The following NTM variants were observed in gnomAD, a reference collection of about 807,000 sequenced individuals.
The protein encoded by NTM is neurotrimin, also known as IgLON family member 2.
A neutral mutation model predicts 42.1 loss-of-function variants in NTM; 13 were observed. The observed-to-expected ratio is 0.31, with a 90% CI of 0.20 to 0.49. The LOEUF (loss-of-function observed/expected upper bound fraction) is 0.49. Among genes scored for constraint, NTM ranks in the 20% least tolerant of loss-of-function variants. NTM has a pLI of 0.99. For missense variants in NTM, 373 were observed against 452.8 expected (o/e 0.82, Z 1.60); for synonymous variants, 187 against 179.2 (o/e 1.04, Z -0.35).
At chr11:131,680,780 T>TCTGG (rs2072490516) in intron 1 of NTM, among the ~76,000 whole-genome samples, 4 of 140,418 alleles carry the variant, frequency 2.8e-5, no homozygotes, top group Non-Finnish European at 3.2e-5. Flanking sequence ...TATGTCTATG[T>TCTGG]GAGTGCCTGT....
At chr11:132,170,905 G>T (rs574204625) in intron 3 of NTM, among the ~76,000 whole-genome samples, 10 of 152,296 alleles carry the variant, frequency 6.6e-5, no homozygotes, top group African/African-American at 7.2e-5. Context: ...CGGTATTTGA[G>T]GATGCCTATT....
chr11:132,026,080 G>A (rs982369893), intron 2 of NTM, among the ~76,000 whole-genome samples: 4 of 152,166 alleles, frequency 2.6e-5, no homozygotes, highest in African/African-American at 9.7e-5. Flanking sequence ...TCTAATTAAT[G>A]AGCACAGAGT....
chr11:132,254,534 C>G (rs114461823), intron 4 of NTM, among the ~76,000 whole-genome samples: 1,561 of 152,210 alleles, frequency 0.01, 22 homozygotes, highest in African/African-American at 0.036. Flanking sequence ...GCATTGTTCT[C>G]AAGTCCCATC....
intron 3 of NTM, among the ~76,000 whole-genome samples, chr11:132,157,599 T>G (rs1566326124): frequency 1.3e-5 from 2 of 152,204 alleles, no homozygotes; most frequent in Non-Finnish European, 2.9e-5. Context: ...GGTTTGTGAA[T>G]GTGGGACCAG....
At chr11:131,389,178 C>T (rs1943709908) in intron 1 of NTM, among the ~76,000 whole-genome samples, 1 of 152,202 alleles carries the variant, frequency 6.6e-6, no homozygotes, top group African/African-American at 2.4e-5. Context: ...CAGCAACGCT[C>T]TAGGAGGTTG....
intron 1 of NTM, among the ~76,000 whole-genome samples, chr11:131,672,368 C>T (rs11820953): frequency 0.11 from 16,947 of 152,246 alleles, 3,179 homozygotes; most frequent in African/African-American, 0.38. Flanking sequence ...TTGAAGGCAC[C>T]GCACCCCCAC....
intron 1 of NTM, among the ~76,000 whole-genome samples, chr11:131,637,963 A>T (rs2064623578): frequency 6.6e-6 from 1 of 152,146 alleles, no homozygotes; most frequent in Non-Finnish European, 1.5e-5. Flanking sequence ...ATGACTAACA[A>T]AGCAAAATAT....
intron 1 of NTM, among the ~76,000 whole-genome samples, chr11:131,899,296 C>G (rs920068602): frequency 2.0e-5 from 3 of 152,198 alleles, no homozygotes; most frequent in Non-Finnish European, 4.4e-5. Context: ...GGCGGGCCAA[C>G]TAACCCTGCC....
rs574454454 is a variant in NTM, at chr11:132,106,926, AGATTATTTTAGT to A, written c.168-39342_168-39331del. ...CAACTGGGTTAGGAAGCATGTACCT[AGATTATTTTAGT>A]GATTATTTTAGTGCCGGTCTTTGTG... On this transcript the variant is annotated intron_variant, in intron 2 of 8. Transcript: ENST00000683400. 2.1e-3 allele frequency among the ~76,000 whole-genome samples: 321 copies of A among 152,240 alleles called. 1 individual carries two copies. Among genetic ancestry groups the A allele is most frequent in the African/African-American group, 7.3e-3 (304 of 41,514 alleles).
At chr11:132,139,962 CTAAGA>C (rs1249564711) in intron 2 of NTM, among the ~76,000 whole-genome samples, 1 of 152,178 alleles carries the variant, frequency 6.6e-6, no homozygotes, top group African/African-American at 2.4e-5. Flanking sequence ...TGTTACATCC[CTAAGA>C]TGAGAAAGCA....
intron 1 of NTM, among the ~76,000 whole-genome samples, chr11:131,583,328 A>G (rs977516677): frequency 6.6e-6 from 1 of 152,134 alleles, no homozygotes; most frequent in African/African-American, 2.4e-5. Context: ...TACTGCACAC[A>G]TTTCATTATC....
intron 1 of NTM, among the ~76,000 whole-genome samples, chr11:131,824,679 G>A (rs1410745885): frequency 2.0e-5 from 3 of 152,186 alleles, no homozygotes; most frequent in African/African-American, 7.2e-5. Context: ...TGACTTGAGT[G>A]ATACACAATT....
At chr11:131,536,104 T>C (rs954237603) in intron 1 of NTM, 1 of 152,140 alleles carries the variant, frequency 6.6e-6, no homozygotes, top group Non-Finnish European at 1.5e-5. Flanking sequence ...CTAAGGCAGT[T>C]CCAATAGGCA....
intron 1 of NTM, among the ~76,000 whole-genome samples, chr11:131,454,022 A>G (rs902969118): frequency 5.9e-5 from 9 of 152,248 alleles, no homozygotes; most frequent in Non-Finnish European, 1.2e-4. Context: ...AAGCACGTTT[A>G]TTTCCTCAAT....
intron 6 of NTM, among the ~76,000 whole-genome samples, chr11:132,313,447 T>TGAGA (rs2095337094): frequency 6.6e-6 from 1 of 152,116 alleles, no homozygotes; most frequent in African/African-American, 2.4e-5. Flanking sequence ...CCATATTCCC[T>TGAGA]GAGATCCTTC....
intron 1 of NTM, among the ~76,000 whole-genome samples, chr11:131,757,242 G>T (rs780655451): frequency 4.6e-5 from 7 of 152,154 alleles, no homozygotes; most frequent in Non-Finnish European, 1.0e-4. Flanking sequence ...TTCTTTCTTT[G>T]GTTCTTCAGT....
rs555113413 is a variant in NTM at position 132,305,289 on chromosome 11, G to A, written c.527-2400G>A. ...AGCACAAGAGATCCAGAGAACCTCT[G>A]TCTTTTTGTTTGTTTCCCCGCTTTG... On this transcript the variant is annotated intron_variant, in intron 4 of 8. Coordinates refer to ENST00000683400, the MANE Select transcript of NTM (RefSeq NM_001352005.2). 2.6e-5 allele frequency among the ~76,000 whole-genome samples: 4 copies of A among 152,314 alleles called. No individual in the cohort carries two copies. In the East Asian group the frequency reaches 7.7e-4, roughly 29 times the overall value.
At chr11:132,295,108 C>A (rs2094566445) in intron 4 of NTM, among the ~76,000 whole-genome samples, 1 of 149,048 alleles carries the variant, frequency 6.7e-6, no homozygotes, top group Non-Finnish European at 1.5e-5. Flanking sequence ...TGAATCCAGC[C>A]CTCTCTCTCT....
chr11:131,416,476 C>T (rs570322973), intron 1 of NTM, among the ~76,000 whole-genome samples: 1 of 152,208 alleles, frequency 6.6e-6, no homozygotes, highest in East Asian at 1.9e-4. Flanking sequence ...CCATCAAACA[C>T]CATAGCCTGT....
Sources: allele counts gnomAD v4.1 joint callset (sites outside exome capture counted in the v4.1 genomes callset), GRCh38; gene constraint gnomAD v4.1.1; transcripts MANE v1.5; gene names NCBI Gene and HGNC (gene_info 2026-07-23, HGNC 2026-07-21).